Variants in CUL1 observed in about 807,000 individuals in gnomAD.
CUL1 encodes cullin-1.
CUL1 carries 24 observed loss-of-function variants against 118.0 expected under a neutral mutation model. That is an observed-to-expected ratio of 0.20 (90% CI 0.15 to 0.29). The LOEUF (loss-of-function observed/expected upper bound fraction) is 0.29, where lower values mean the gene tolerates loss of function less well. CUL1 is among the 10% of genes least tolerant of loss of function. The probability of loss-of-function intolerance (pLI) is 1.00; values close to 1 mark genes in which losing one functional copy is unlikely to be tolerated. For missense variants in CUL1, 361 were observed against 933.8 expected (o/e 0.39, Z 7.99); for synonymous variants, 332 against 340.4 (o/e 0.98, Z 0.27).
chr7:148,717,560 C>G (rs1339124817), intron 1 of CUL1, among the ~76,000 whole-genome samples: 3 of 151,976 alleles, frequency 2.0e-5, no homozygotes, highest in African/African-American at 7.3e-5. Flanking sequence ...CTAAGTTGAG[C>G]CGTTATCTCG....
chr7:148,776,615 C>T (rs913893542), intron 9 of CUL1, among the ~76,000 whole-genome samples: 1 of 152,094 alleles, frequency 6.6e-6, no homozygotes, highest in Non-Finnish European at 1.5e-5. Flanking sequence ...CCACGTCCGG[C>T]CGAGGCTGTC....
intron 12 of CUL1, 77 bp from the exon 13 acceptor site, chr7:148,786,912 T>C (rs1204808296): frequency 3.2e-6 from 5 of 1,544,652 alleles, no homozygotes; most frequent in South Asian, 1.2e-5. Context: ...TCCTGGCTTG[T>C]GGCCGGTGAC....
chr7:148,776,597 G>A (rs910588293), intron 9 of CUL1, among the ~76,000 whole-genome samples: 1 of 152,002 alleles, frequency 6.6e-6, no homozygotes, highest in African/African-American at 2.4e-5. Flanking sequence ...GATTACAGGT[G>A]TGATCCACCA....
intron 2 of CUL1, among the ~76,000 whole-genome samples, chr7:148,736,942 G>A (rs1438823354): frequency 6.6e-6 from 1 of 152,192 alleles, no homozygotes; most frequent in African/African-American, 2.4e-5. Flanking sequence ...TTATAAGGTG[G>A]TGGACTTCTA....
chr7:148,704,014 T>C (rs1797803072), intron 1 of CUL1, among the ~76,000 whole-genome samples: 1 of 152,222 alleles, frequency 6.6e-6, no homozygotes, highest in African/African-American at 2.4e-5. Flanking sequence ...TTGAGTACTT[T>C]AGAATAATAA....
intron 2 of CUL1, among the ~76,000 whole-genome samples, chr7:148,735,851 A>G (rs533781808): frequency 7.9e-5 from 12 of 152,314 alleles, no homozygotes; most frequent in Admixed American, 7.2e-4. Flanking sequence ...AATAGTAAGC[A>G]TATGGAAAAA....
chr7:148,714,793 G>A (rs1798161953), intron 1 of CUL1, among the ~76,000 whole-genome samples: 2 of 152,192 alleles, frequency 1.3e-5, no homozygotes, highest in African/African-American at 4.8e-5. Context: ...TGAATCCAGG[G>A]TTGCATACCT....
In CUL1 at chr7:148,789,808, A is replaced by G. The variant is rs1800945372; in HGVS notation, c.1656A>G (p.Thr552=). 13 of 1,614,134 alleles carry G rather than the reference A, an allele frequency of 8.1e-6. No homozygotes were observed. The highest frequency in any genetic ancestry group is 1.1e-5 in the Non-Finnish European group (13 of 1,180,016). ...CCTGGCCCTTCCAGCAGTCTTGTAC[A>G]TTTGCCTTGCCGTCAGAGGTAAGGA... ...SGSWPFQQSC[T]FALPSELERS... Residue 552 remains threonine, a synonymous_variant, in exon 15 of 22, where the codon ACA becomes ACG. Transcript: ENST00000325222.
At chr7:148,700,065 A>G (rs2129458689) in intron 1 of CUL1, among the ~76,000 whole-genome samples, 1 of 152,352 alleles carries the variant, frequency 6.6e-6, no homozygotes, top group South Asian at 2.1e-4. Context: ...GGCTTTGCCA[A>G]AAAGAGGATT....
intron 1 of CUL1, among the ~76,000 whole-genome samples, chr7:148,715,503 C>T (rs1269749679): frequency 6.6e-6 from 1 of 152,134 alleles, no homozygotes; most frequent in Non-Finnish European, 1.5e-5. Flanking sequence ...TTTGGCTTGC[C>T]TTCTGTCCTC....
intron 9 of CUL1, among the ~76,000 whole-genome samples, chr7:148,774,500 T>C (rs1284473584): frequency 6.6e-6 from 1 of 152,226 alleles, no homozygotes; most frequent in African/African-American, 2.4e-5. Context: ...GACTATACAA[T>C]TGATTCCATT....
intron 11 of CUL1, among the ~76,000 whole-genome samples, chr7:148,784,521 G>T (rs1304992387): frequency 2.0e-5 from 3 of 152,148 alleles, no homozygotes; most frequent in Non-Finnish European, 4.4e-5. Context: ...TGTGTATTAA[G>T]ATCTGGAAGC....
chr7:148,792,821 A>G lies in CUL1; in HGVS notation c.1899+3A>G. On this transcript the variant is annotated splice_donor_region_variant and intron_variant, in intron 17 of 21. Transcript: ENST00000325222. ...CCGACAGCACTCAAATTAAAATGGT[A>G]TTCTCATCTCAGGCTCGTTGTTCTA... 6.2e-7 allele frequency: 1 copy of G among 1,604,966 alleles called. No individual in the cohort carries two copies. Among genetic ancestry groups the G allele is most frequent in the Non-Finnish European group, 8.5e-7 (1 of 1,173,096 alleles).
chr7:148,769,922 A>G (rs1800152518), intron 9 of CUL1, among the ~76,000 whole-genome samples: 1 of 152,212 alleles, frequency 6.6e-6, no homozygotes, highest in Admixed American at 6.5e-5. Flanking sequence ...TTTTATAGGA[A>G]AGATGGGACG....
In CUL1 at chr7:148,788,687, G is replaced by A; in HGVS notation, c.1597+13G>A. On this transcript the variant is annotated intron_variant, in intron 14 of 21. Coordinates refer to ENST00000325222, the MANE Select transcript of CUL1 (RefSeq NM_003592.3). ...GAACCCCTAGACTGTGAGTATCCGT[G>A]TGTCTCTATGTTGTGTTTACAGGCA... is the stretch of plus-strand genomic sequence containing the variant. 1.3e-6 allele frequency: 2 copies of A among 1,521,552 alleles called. No individual in the cohort carries two copies. The highest frequency in any genetic ancestry group is 1.8e-6 in the Non-Finnish European group (2 of 1,098,092). 94.3% of individuals were successfully genotyped at this position (1,521,552 alleles called of 1,614,324 possible). A position where few individuals can be genotyped will look rare whatever the true frequency, so the allele number is the denominator to read the frequency against.
chr7:148,800,867 C>T lies in CUL1; in HGVS notation c.*285C>T, dbSNP rs1313429697. ...TGCATGCTACCGCACTAAGTCAATA[C>T]ATGGGCTCCCCGATTCGCAGCTGTC... is the stretch of plus-strand genomic sequence containing the variant. On this transcript the variant is annotated 3_prime_UTR_variant, in exon 22 of 22. Coordinates refer to ENST00000325222, the MANE Select transcript of CUL1 (RefSeq NM_003592.3). The surrounding 1 kb of genome is among the most constrained non-coding windows in gnomAD (Gnocchi z 4.6). 1 of 282,292 alleles carries T rather than the reference C, an allele frequency of 3.5e-6. No individual in the cohort carries two copies. The highest frequency in any genetic ancestry group is 6.6e-6 in the Non-Finnish European group (1 of 150,562). The allele number at this position is 282,292 out of a possible 1,614,324, so 17.5% of individuals were successfully genotyped here.
At chr7:148,749,910 G>A (rs1241868531) in intron 2 of CUL1, among the ~76,000 whole-genome samples, 2 of 152,230 alleles carry the variant, frequency 1.3e-5, no homozygotes, top group African/African-American at 4.8e-5. Flanking sequence ...TCCAGTGAAT[G>A]CACAAATGAT....
At chr7:148,791,324 A>G (rs1036298192) in intron 16 of CUL1, among the ~76,000 whole-genome samples, 20 of 152,224 alleles carry the variant, frequency 1.3e-4, no homozygotes, top group African/African-American at 4.8e-4. Context: ...AAACTCCAGA[A>G]TGGGTTGTTC....
chr7:148,783,920 T>C (rs766696096), intron 10 of CUL1, 30 bp downstream of exon 10: 2 of 1,613,250 alleles, frequency 1.2e-6, no homozygotes, highest in Non-Finnish European at 1.7e-6. Context: ...GACTTGCCTG[T>C]AGTATGTATG....
Sources: allele counts gnomAD v4.1 joint callset (sites outside exome capture counted in the v4.1 genomes callset), GRCh38; gene constraint gnomAD v4.1.1; non-coding constraint Gnocchi (gnomAD v3.1); transcripts MANE v1.5; gene names NCBI Gene and HGNC (gene_info 2026-07-23, HGNC 2026-07-21).